The following C10orf90 variants were observed in gnomAD, a reference collection of about 807,000 sequenced individuals.
C10orf90 encodes (E2-independent) E3 ubiquitin-conjugating enzyme FATS.
Under a neutral mutation model 62.5 loss-of-function variants are expected in C10orf90, and 56 were observed. That is an observed-to-expected ratio of 0.90 (90% CI 0.72 to 1.12). C10orf90 has a LOEUF of 1.12. C10orf90 is among the 50% of genes most tolerant of loss of function. The probability of loss-of-function intolerance (pLI) is 0.00; values close to 1 mark genes in which losing one functional copy is unlikely to be tolerated. For synonymous variants in C10orf90, 386 were observed against 340.4 expected (o/e 1.13, Z -1.47); for missense variants, 970 against 880.4 (o/e 1.10, Z -1.29).
intron 5 of C10orf90, 51 bp from the exon 6 acceptor site, chr10:126,461,636 C>G: frequency 3.2e-6 from 5 of 1,540,434 alleles, no homozygotes; most frequent in East Asian, 4.7e-5. Context: ...GTGATTTTCA[C>G]GTGGCTCCTC....
In C10orf90 at chr10:126,485,652, T is replaced by C. The variant is rs147735534; in HGVS notation, c.1534+18305A>G. 6.4e-3 allele frequency among the ~76,000 whole-genome samples: 973 copies of C among 152,026 alleles called. 10 individuals are homozygous for C. Among genetic ancestry groups the C allele is most frequent in the African/African-American group, 0.022 (923 of 41,468 alleles). On this transcript the variant is annotated intron_variant, in intron 4 of 9. Coordinates refer to ENST00000488181, the MANE Select transcript of C10orf90 (RefSeq NM_001350921.2). ...TGTGCTCTGAAGCAAATAAAAACCT[T>C]GGAAATGGCCGGGCGTGGTGGCTTA...
chr10:126,579,311 G>A (rs1844696771), intron 2 of C10orf90, among the ~76,000 whole-genome samples: 1 of 148,724 alleles, frequency 6.7e-6, no homozygotes, highest in African/African-American at 2.5e-5. Context: ...CTCACTCTTG[G>A]CTCACCACAA....
chr10:126,448,806 A>G (rs1300965881), intron 7 of C10orf90, among the ~76,000 whole-genome samples: 7 of 152,206 alleles, frequency 4.6e-5, no homozygotes, highest in African/African-American at 1.7e-4. Flanking sequence ...ATTCCTAAGA[A>G]TATACATCCT....
At chr10:126,493,449 C>G (rs7896435) in intron 4 of C10orf90, among the ~76,000 whole-genome samples, 7,367 of 151,970 alleles carry the variant, frequency 0.048, 271 homozygotes, top group African/African-American at 0.11. Context: ...CAACCTCTGC[C>G]TCCCAGGTTC....
intron 2 of C10orf90, among the ~76,000 whole-genome samples, chr10:126,635,343 C>T (rs1325451316): frequency 6.6e-6 from 1 of 152,176 alleles, no homozygotes; most frequent in African/African-American, 2.4e-5. Flanking sequence ...ACCTCTTCTC[C>T]ATTCAAGGCA....
At chr10:126,519,881 A>T (rs1863644920) in intron 2 of C10orf90, among the ~76,000 whole-genome samples, 1 of 152,082 alleles carries the variant, frequency 6.6e-6, no homozygotes, top group African/African-American at 2.4e-5. Flanking sequence ...CCAGCCGAGG[A>T]GAGGCCAGAT....
intron 1 of C10orf90, among the ~76,000 whole-genome samples, chr10:126,658,554 T>C (rs1846442283): frequency 6.6e-6 from 1 of 152,240 alleles, no homozygotes; most frequent in African/African-American, 2.4e-5. Context: ...ATGGTTTTTG[T>C]ATTTGTGTTA....
At chr10:126,553,264 C>T (rs2133979503) in intron 2 of C10orf90, among the ~76,000 whole-genome samples, 1 of 152,166 alleles carries the variant, frequency 6.6e-6, no homozygotes, top group South Asian at 2.1e-4. Context: ...ATACGTATAT[C>T]TTATGTTCTA....
chr10:126,526,104 C>T (rs896585528), intron 2 of C10orf90, among the ~76,000 whole-genome samples: 3 of 150,190 alleles, frequency 2.0e-5, no homozygotes, highest in Admixed American at 1.3e-4. Context: ...TCCAGAGAGG[C>T]CCCAGCTAGG....
At chr10:126,498,869 C>G (rs1303745367) in intron 4 of C10orf90, among the ~76,000 whole-genome samples, 1 of 152,240 alleles carries the variant, frequency 6.6e-6, no homozygotes, top group East Asian at 1.9e-4. Context: ...AGAACACCTT[C>G]TCCCTCTGCC....
intron 2 of C10orf90, among the ~76,000 whole-genome samples, chr10:126,605,331 G>A (rs1845285270): frequency 6.6e-6 from 1 of 151,154 alleles, no homozygotes; most frequent in Admixed American, 6.6e-5. Flanking sequence ...CAAGCACAGG[G>A]CCCTCGTCTG....
intron 2 of C10orf90, among the ~76,000 whole-genome samples, chr10:126,628,732 C>T (rs1845795861): frequency 6.6e-6 from 1 of 152,210 alleles, no homozygotes; most frequent in African/African-American, 2.4e-5. Flanking sequence ...CTGGGCGTCT[C>T]CCCAGCCACT....
At chr10:126,597,981 A>G (rs1038845284) in intron 2 of C10orf90, among the ~76,000 whole-genome samples, 1 of 152,172 alleles carries the variant, frequency 6.6e-6, no homozygotes, top group Admixed American at 6.5e-5. Context: ...GAATATACCT[A>G]GCCCATGTTT....
chr10:126,656,372 G>C (rs1444890174), intron 1 of C10orf90, among the ~76,000 whole-genome samples: 5 of 152,186 alleles, frequency 3.3e-5, no homozygotes, highest in Admixed American at 6.5e-5. Flanking sequence ...AGCAGCACAA[G>C]AAGAAGGTAC....
intron 2 of C10orf90, among the ~76,000 whole-genome samples, chr10:126,559,818 G>A (rs1178322097): frequency 6.6e-6 from 1 of 152,172 alleles, no homozygotes; most frequent in Admixed American, 6.5e-5. Context: ...CAGCAAGCAA[G>A]TCAGGAATAT....
intron 1 of C10orf90, among the ~76,000 whole-genome samples, chr10:126,666,525 G>A (rs1333284517): frequency 6.6e-6 from 1 of 152,138 alleles, no homozygotes; most frequent in Non-Finnish European, 1.5e-5. Context: ...GCTCAAGAAG[G>A]TAGAGGAAAG....
chr10:126,653,594 G>C (rs960276085), intron 1 of C10orf90, among the ~76,000 whole-genome samples: 2 of 152,140 alleles, frequency 1.3e-5, no homozygotes, highest in African/African-American at 4.8e-5. Context: ...CTCCACTGAA[G>C]TCTCGAACCC....
At chr10:126,631,681 C>T (rs1016322426) in intron 2 of C10orf90, among the ~76,000 whole-genome samples, 4 of 151,934 alleles carry the variant, frequency 2.6e-5, no homozygotes, top group African/African-American at 9.7e-5. Flanking sequence ...CCACCCTCTA[C>T]CTCCCTGGCC....
At chr10:126,554,371 G>A (rs184328251) in intron 2 of C10orf90, among the ~76,000 whole-genome samples, 1 of 152,134 alleles carries the variant, frequency 6.6e-6, no homozygotes, top group African/African-American at 2.4e-5. Flanking sequence ...GGCAGCTGGA[G>A]ATAGTAGTTA....
Sources: allele counts gnomAD v4.1 joint callset (sites outside exome capture counted in the v4.1 genomes callset), GRCh38; gene constraint gnomAD v4.1.1; transcripts MANE v1.5; gene names NCBI Gene and HGNC (gene_info 2026-07-23, HGNC 2026-07-21).